ARMC3: variants seen among roughly 807,000 people sequenced by gnomAD.
ARMC3 encodes armadillo repeat-containing protein 3.
In ARMC3, 74 loss-of-function variants were observed where a neutral mutation model predicts 90.3. The ratio of observed to expected loss-of-function variants is 0.82; its 90% CI spans 0.68 to 0.99. The LOEUF (loss-of-function observed/expected upper bound fraction) is 0.99. ARMC3 is among the 50% of genes least tolerant of loss of function. The pLI, the probability that ARMC3 is intolerant of heterozygous loss-of-function variation, is 0.00. For synonymous variants in ARMC3, 334 were observed against 361.8 expected (o/e 0.92, Z 0.87); for missense variants, 958 against 1,042.8 (o/e 0.92, Z 1.12).
intron 17 of ARMC3, 179 bp downstream of exon 17, chr10:23,030,975 TC>T: frequency 1.6e-6 from 1 of 622,866 alleles, no homozygotes; most frequent in East Asian, 3.0e-5. Flanking sequence ...GGTCATACGT[TC>T]ACTAAGAATC....
intron 1 of ARMC3, 27 bp from the exon 2 acceptor site, chr10:22,931,969 T>G (rs771573256): frequency 3.2e-6 from 5 of 1,586,210 alleles, no homozygotes; most frequent in African/African-American, 1.4e-5. Flanking sequence ...AAATGTCACT[T>G]TAACCATATA....
chr10:22,987,850 T>A (rs1445510988), intron 10 of ARMC3, among the ~76,000 whole-genome samples: 1 of 152,222 alleles, frequency 6.6e-6, no homozygotes, highest in Non-Finnish European at 1.5e-5. Context: ...GTTCTAAATG[T>A]TAGCACATAT....
At chr10:22,958,493 G>A (rs1162736701) in intron 4 of ARMC3, among the ~76,000 whole-genome samples, 1 of 152,090 alleles carries the variant, frequency 6.6e-6, no homozygotes, top group Admixed American at 6.5e-5. Flanking sequence ...TCTGATATGT[G>A]TTCTAGGCAC....
chr10:22,956,140 T>C lies in ARMC3; in HGVS notation c.292+208T>C, dbSNP rs545714980. Among the ~76,000 whole-genome samples, 4 of 152,330 alleles carry C rather than the reference T, an allele frequency of 2.6e-5. No homozygotes were observed. In the South Asian group the frequency reaches 8.3e-4, roughly 32 times the overall value. ...AAGAAAACATGTGCAAGCACATCCA[T>C]GCAAAAACTCCTCTCAGAATTGGTG... is the stretch of plus-strand genomic sequence containing the variant. On this transcript the variant is annotated intron_variant, in intron 4 of 18. Transcript: ENST00000298032.
intron 18 of ARMC3, among the ~76,000 whole-genome samples, chr10:23,036,028 A>T (rs540914185): frequency 1.3e-5 from 2 of 152,256 alleles, no homozygotes; most frequent in African/African-American, 4.8e-5. Flanking sequence ...GTCACCACAT[A>T]CCATGACCTT....
intron 1 of ARMC3, among the ~76,000 whole-genome samples, chr10:22,929,315 A>AGAAGG (rs1833841800): frequency 1.3e-5 from 2 of 150,508 alleles, no homozygotes; most frequent in Non-Finnish European, 3.0e-5. Context: ...AAAAAGAAAA[A>AGAAGG]GAAAGGAAAG....
chr10:23,012,073 GTTC>G (rs1838036680), intron 16 of ARMC3, among the ~76,000 whole-genome samples: 2 of 152,070 alleles, frequency 1.3e-5, no homozygotes, highest in South Asian at 4.2e-4. Context: ...TTCATCTTTG[GTTC>G]TTCTGCTCTT....
At chr10:23,020,287 C>A (rs1838458928) in intron 16 of ARMC3, among the ~76,000 whole-genome samples, 1 of 152,066 alleles carries the variant, frequency 6.6e-6, no homozygotes, top group Admixed American at 6.6e-5. Context: ...GCCACCACAC[C>A]CAGCTAATTT....
intron 2 of ARMC3, among the ~76,000 whole-genome samples, chr10:22,934,357 A>G (rs1353579392): frequency 6.6e-6 from 1 of 152,226 alleles, no homozygotes; most frequent in Non-Finnish European, 1.5e-5. Flanking sequence ...TCCTTCTCAT[A>G]AAAGAGACAC....
chr10:22,999,850 G>C (rs989797711), intron 11 of ARMC3, among the ~76,000 whole-genome samples: 1 of 151,996 alleles, frequency 6.6e-6, no homozygotes, highest in Non-Finnish European at 1.5e-5. Context: ...CACTTCATTT[G>C]TGCTCACCCA....
At chr10:22,974,204 G>GA (rs529801948) in intron 8 of ARMC3, among the ~76,000 whole-genome samples, 2 of 151,828 alleles carry the variant, frequency 1.3e-5, no homozygotes, top group African/African-American at 4.8e-5. Flanking sequence ...GGTCTTGGCA[G>GA]AAAAAAAATT....
intron 8 of ARMC3, among the ~76,000 whole-genome samples, chr10:22,973,750 T>TTCC: frequency 4.4e-5 from 6 of 137,402 alleles, no homozygotes; most frequent in African/African-American, 1.5e-4. Context: ...TTTCTTTGTC[T>TTCC]TTCTTTTTTT....
At chr10:22,939,264 G>A (rs182126626) in intron 2 of ARMC3, among the ~76,000 whole-genome samples, 43 of 152,256 alleles carry the variant, frequency 2.8e-4, no homozygotes, top group Non-Finnish European at 5.1e-4. Context: ...AAAAAGAAGA[G>A]ACCAACATAC....
chr10:22,971,416 G>C lies in ARMC3; in HGVS notation c.916+2927G>C, dbSNP rs183366472. On this transcript the variant is annotated intron_variant, in intron 8 of 18. Coordinates refer to ENST00000298032, the MANE Select transcript of ARMC3 (RefSeq NM_173081.5). ...ATATATACCTAGAAGTGGAGTTACT[G>C]AATCATATGGTAATTATATTTTTAG... Among the ~76,000 whole-genome samples the C allele has an allele frequency of 1.0e-3, 150 of 150,738 alleles. 2 individuals are homozygous for C. Among genetic ancestry groups the C allele is most frequent in the Admixed American group, 3.0e-3 (45 of 15,124 alleles).
At chr10:23,011,447 T>C (rs975993312) in intron 16 of ARMC3, among the ~76,000 whole-genome samples, 5 of 152,202 alleles carry the variant, frequency 3.3e-5, no homozygotes, top group African/African-American at 1.2e-4. Flanking sequence ...TGGCACATGG[T>C]AAACACTCAA....
intron 10 of ARMC3, among the ~76,000 whole-genome samples, chr10:22,996,332 C>T (rs1167459910): frequency 6.6e-6 from 1 of 152,102 alleles, no homozygotes; most frequent in Non-Finnish European, 1.5e-5. Context: ...CTTAAGAATG[C>T]TTATTTTATC....
At chr10:22,988,021 G>A (rs1409228249) in intron 10 of ARMC3, among the ~76,000 whole-genome samples, 4 of 152,070 alleles carry the variant, frequency 2.6e-5, no homozygotes, top group African/African-American at 9.7e-5. Context: ...CACTCCAAAG[G>A]GACTCCACAA....
At chr10:22,975,983 C>T (rs1209615564) in intron 8 of ARMC3, among the ~76,000 whole-genome samples, 1 of 152,210 alleles carries the variant, frequency 6.6e-6, no homozygotes, top group African/African-American at 2.4e-5. Flanking sequence ...ATGAAGCCTA[C>T]AGGGTGCCCT....
intron 14 of ARMC3, 30 bp from the exon 15 acceptor site, chr10:23,008,244 CTA>C (rs1342149520): frequency 2.0e-5 from 22 of 1,084,180 alleles, no homozygotes; most frequent in Non-Finnish European, 2.9e-5. Flanking sequence ...TAATTTTAAT[CTA>C]TATATAATTT....
Sources: allele counts gnomAD v4.1 joint callset (sites outside exome capture counted in the v4.1 genomes callset), GRCh38; gene constraint gnomAD v4.1.1; transcripts MANE v1.5; gene names NCBI Gene and HGNC (gene_info 2026-07-23, HGNC 2026-07-21).